Variants in NUP42 observed in about 807,000 individuals in gnomAD.
NUP42 encodes the protein nucleoporin 42.
In NUP42, 47 loss-of-function variants were observed where a neutral mutation model predicts 35.9. The observed-to-expected ratio is 1.31, with a 90% CI of 1.04 to 1.67. The LOEUF is 1.67. NUP42 is among the 40% of genes most tolerant of loss of function. NUP42 has a pLI of 0.00. For missense variants in NUP42, 514 were observed against 492.2 expected (o/e 1.04, Z -0.42); for synonymous variants, 173 against 173.3 (o/e 1.00, Z 0.01).
chr7:23,190,954 C>T (rs1379157617), intron 3 of NUP42, among the ~76,000 whole-genome samples: 2 of 152,110 alleles, frequency 1.3e-5, no homozygotes, highest in African/African-American at 4.8e-5. Flanking sequence ...AACAATATTT[C>T]TTTAGATAGA....
At chr7:23,188,556 A>C (rs1007999281) in intron 3 of NUP42, 1 of 983,376 alleles carries the variant, frequency 1.0e-6, no homozygotes, top group Non-Finnish European at 1.2e-6. Flanking sequence ...TATAGTTGTC[A>C]GATAAAATAT....
intron 3 of NUP42, among the ~76,000 whole-genome samples, chr7:23,193,716 C>T (rs1257277830): frequency 2.6e-5 from 4 of 152,250 alleles, no homozygotes; most frequent in South Asian, 2.1e-4. Context: ...CCGCCAGTCC[C>T]GCGGTGTGTG....
rs1562610364 is a variant in NUP42, at chr7:23,196,779, G to A, written c.609+13G>A. ...TAAAGTAGCTTTGGTGAGTATGGGA[G>A]AGTTTTCTTGAGGGAAGTGTCTTAC... On this transcript the variant is annotated intron_variant, in intron 5 of 6. Transcript: ENST00000258742. 6.5e-7 allele frequency: 1 copy of A among 1,536,224 alleles called. No individual in the cohort carries two copies. Among genetic ancestry groups the A allele is most frequent in the Non-Finnish European group, 9.0e-7 (1 of 1,110,306 alleles).
At chr7:23,189,784 G>A (rs567110316) in intron 3 of NUP42, among the ~76,000 whole-genome samples, 20 of 151,930 alleles carry the variant, frequency 1.3e-4, no homozygotes, top group African/African-American at 4.8e-4. Context: ...ATGGTGGTAT[G>A]CGCCCGTAGT....
At chr7:23,186,097 A>T (rs958038884) in intron 2 of NUP42, among the ~76,000 whole-genome samples, 2 of 152,198 alleles carry the variant, frequency 1.3e-5, no homozygotes, top group African/African-American at 4.8e-5. Context: ...AACTGATCTC[A>T]TTTGATTTCC....
At chr7:23,199,281 G>A in intron 5 of NUP42, 177 bp from the exon 6 acceptor site, 1 of 556,364 alleles carries the variant, frequency 1.8e-6, no homozygotes, top group Non-Finnish European at 3.2e-6. Context: ...CAGACTCATA[G>A]GCTCAAGCCC....
intron 5 of NUP42, chr7:23,197,402 G>A (rs1786050347): frequency 7.3e-6 from 2 of 273,070 alleles, no homozygotes; most frequent in Non-Finnish European, 7.2e-6. Context: ...CCTACACTTA[G>A]TGAATGGTTG....
chr7:23,195,041 T>C (rs1785966185), intron 3 of NUP42: 1 of 152,266 alleles, frequency 6.6e-6, no homozygotes. Context: ...CTAAAAATAT[T>C]AGAATGAACA....
chr7:23,188,067 C>A, intron 3 of NUP42: 1 of 1,444,652 alleles, frequency 6.9e-7, no homozygotes. Flanking sequence ...ACCTAGACCA[C>A]CGGGCTTTCC....
intron 2 of NUP42, among the ~76,000 whole-genome samples, chr7:23,185,732 C>CATTT (rs528235105): frequency 9.5e-4 from 144 of 152,128 alleles, no homozygotes; most frequent in African/African-American, 2.7e-3. Context: ...TTTACCATCT[C>CATTT]ATTTATTTAT....
At position 23,187,147 on chromosome 7, in the gene NUP42, G is replaced by A; in HGVS notation, c.445+1G>A. 1.9e-6 allele frequency: 3 copies of A among 1,579,250 alleles called. No individual in the cohort carries two copies. The highest frequency in any genetic ancestry group is 2.6e-6 in the Non-Finnish European group (3 of 1,154,082). On this transcript the variant is annotated splice_donor_variant, in intron 3 of 6. Coordinates refer to ENST00000258742, the MANE Select transcript of NUP42 (RefSeq NM_007342.3). LOFTEE classifies it high-confidence loss of function. ...GTGAAAAAGAAACCTAATATTTCAG[G>A]TAACTGAAAAATTGTGCATTTTTAA... is the stretch of plus-strand genomic sequence containing the variant.
At chr7:23,198,031 AAGGTC>A (rs1348967740) in intron 5 of NUP42, among the ~76,000 whole-genome samples, 1 of 151,470 alleles carries the variant, frequency 6.6e-6, no homozygotes, top group Admixed American at 6.6e-5. Flanking sequence ...GGCGGATCAC[AAGGTC>A]AGGAGTTTAA....
chr7:23,196,891 C>T, intron 5 of NUP42, 125 bp downstream of exon 5: 1 of 666,698 alleles, frequency 1.5e-6, no homozygotes, highest in Non-Finnish European at 2.6e-6. Flanking sequence ...ACACACATTC[C>T]CAAAATAGCA....
chr7:23,184,501 A>G (rs936024951), intron 1 of NUP42, among the ~76,000 whole-genome samples: 11 of 152,218 alleles, frequency 7.2e-5, no homozygotes, highest in Non-Finnish European at 1.6e-4. Flanking sequence ...TGAATTTAGT[A>G]ATATATCACT....
At chr7:23,184,927 G>A in intron 1 of NUP42, 143 bp from the exon 2 acceptor site, 2 of 651,960 alleles carry the variant, frequency 3.1e-6, no homozygotes, top group East Asian at 2.8e-5. Context: ...GATCGATTGA[G>A]CTTAGGAGGT....
At chr7:23,188,183 C>G in intron 3 of NUP42, 1 of 1,275,806 alleles carries the variant, frequency 7.8e-7, no homozygotes, top group East Asian at 3.1e-5. Flanking sequence ...TGGGATCTTT[C>G]CTCTGTCTCA....
Position 23,182,163 on chromosome 7 carries a change from G to C in NUP42, c.78G>C (p.Arg26Ser). ...GCTGGAACGAACATCCCGGTGCTAGGGGTGCAGGAGGAGGACGGCAGCAAC... is the reference window on the plus strand; with the variant it reads ...GCTGGAACGAACATCCCGGTGCTAGCGGTGCAGGAGGAGGACGGCAGCAAC... Reference protein sequence around the residue: ...DRCWNEHPGARGAGGGRQQPQ... With the variant: ...DRCWNEHPGASGAGGGRQQPQ... The change falls in exon 1 of 7, where the codon AGG becomes AGC. Residue 26 changes from arginine (R) to serine (S), a missense_variant. By Grantham distance (110) the Arg-to-Ser change is moderately radical. Transcript: ENST00000258742. 3 of 1,588,366 alleles carry C rather than the reference G, an allele frequency of 1.9e-6. No individual in the cohort carries two copies.
At chr7:23,196,841 T>G in intron 5 of NUP42, 75 bp downstream of exon 5, 2 of 1,110,354 alleles carry the variant, frequency 1.8e-6, no homozygotes, top group Non-Finnish European at 2.7e-6. Context: ...TACTTTAGAT[T>G]TGGAAAGCAA....
chr7:23,190,147 C>T (rs1044575420), intron 3 of NUP42, among the ~76,000 whole-genome samples: 3 of 152,144 alleles, frequency 2.0e-5, no homozygotes, highest in African/African-American at 7.2e-5. Flanking sequence ...TAAAAAACTA[C>T]CACTTGTTAA....
Sources: allele counts gnomAD v4.1 joint callset (sites outside exome capture counted in the v4.1 genomes callset), GRCh38; gene constraint gnomAD v4.1.1; transcripts MANE v1.5; gene names NCBI Gene and HGNC (gene_info 2026-07-23, HGNC 2026-07-21).